SPEG: variants seen among roughly 807,000 people sequenced by gnomAD.
SPEG encodes the protein striated muscle preferentially expressed protein kinase.
In SPEG, 114 loss-of-function variants were observed where a neutral mutation model predicts 300.4. The observed-to-expected ratio is 0.38, with a 90% confidence interval of 0.33 to 0.44. SPEG has a LOEUF of 0.44. SPEG is among the 20% of genes least tolerant of loss of function. The pLI is 1.00. For missense variants in SPEG, 4,201 were observed against 4,586.2 expected (o/e 0.92, Z 2.43); for synonymous variants, 1,964 against 2,018.9 (o/e 0.97, Z 0.73).
chr2:219,471,983 C>T lies in SPEG; in HGVS notation c.3831C>T (p.Val1277=), dbSNP rs975059015. The T allele has an allele frequency of 1.9e-6, 3 of 1,612,142 alleles. No individual in the cohort carries two copies. The highest frequency in any genetic ancestry group is 2.7e-5 in the African/African-American group (2 of 75,042). The change falls in exon 14 of 41, where the codon GTC becomes GTT. Residue 1277 remains valine (V), a synonymous_variant. Transcript: ENST00000312358. ...CTGCCTGCTATGCCCACCTGTATGT[C>T]ACAGGTGAGGCAGGCACCCTCGTGG... ...GKAACYAHLY[V]TDVVPGPPDG... is the part of the protein sequence containing the mutation.
chr2:219,477,718 G>C lies in SPEG; in HGVS notation c.4759G>C (p.Gly1587Arg). 1 of 1,604,194 alleles carries C rather than the reference G, an allele frequency of 6.2e-7. No individual in the cohort carries two copies. Among genetic ancestry groups the C allele is most frequent in the Admixed American group, 1.7e-5 (1 of 59,442 alleles). The change falls in exon 21 of 41, where the codon GGG becomes CGG. Residue 1587 changes from glycine to arginine, a missense_variant. Transcript: ENST00000312358. This position sits in a 1 kb window ranked among gnomAD's most constrained non-coding sequence, Gnocchi z 6.4. ...GACAGCTATGGAGGTCGAGGGGGTC[G>C]GGGAGGATGAGGACCATCGAGGAAG... ...AQTAMEVEGV[G>R]EDEDHRGRRL...
In SPEG at chr2:219,472,973, C is replaced by T. The variant is rs1326547401; in HGVS notation, c.4024C>T (p.Pro1342Ser). The T allele has an allele frequency of 1.2e-6, 2 of 1,613,812 alleles. No homozygotes were observed. Among genetic ancestry groups the T allele is most frequent in the Non-Finnish European group, 1.7e-6 (2 of 1,180,016 alleles). The change falls in exon 16 of 41, where the codon CCA (proline) becomes TCA (serine). Residue 1342 changes from proline to serine, a missense_variant. Physicochemically the swap from Pro to Ser is moderately conservative, Grantham distance 74. Around this residue, in one of 4 missense-constraint regions of SPEG, gnomAD observed 1,047 missense variants for 1,356.8 expected, o/e 0.77. Transcript: ENST00000312358. ...WTALVTGLRE[P>S]GWAATGLRKG... ...GGCACTGGTCACAGGCCTGCGGGAGCCAGGGTGGGCAGCCACAGGGCTGCG... is the reference window on the plus strand; with the variant it reads ...GGCACTGGTCACAGGCCTGCGGGAGTCAGGGTGGGCAGCCACAGGGCTGCG...
Position 219,464,597 on chromosome 2 carries a change from T to C in SPEG, c.2870T>C (p.Leu957Ser). 6.2e-7 allele frequency: 1 copy of C among 1,614,084 alleles called. No individual in the cohort carries two copies. The highest frequency in any genetic ancestry group is 8.5e-7 in the Non-Finnish European group (1 of 1,179,912). ...EYGARQCEAR[L>S]EVRAHPESRS... ...GGTGCTCGGCAGTGCGAGGCCCGCT[T>C]GGAGGTCCGAGGTGAGTACCTGATT... Residue 957 changes from leucine to serine, a missense_variant, in exon 9 of 41, where the codon TTG (leucine) becomes TCG (serine). Physicochemically the swap from Leu to Ser is moderately radical, Grantham distance 145. This residue lies in a region of SPEG where 1,047 missense variants were observed against 1,356.8 expected (regional missense o/e 0.77). Coordinates refer to ENST00000312358, the MANE Select transcript of SPEG (RefSeq NM_005876.5). This position sits in a 1 kb window ranked among gnomAD's most constrained non-coding sequence, Gnocchi z 4.5.
chr2:219,484,794 C>A lies in SPEG; in HGVS notation c.7331C>A (p.Ser2444Ter). ...GGAGAGAGCTCGGAGGGCGGGAGCTCGGCGCGGGGCTCCCCGGTGCTGGCG... is the reference window on the plus strand; with the variant it reads ...GGAGAGAGCTCGGAGGGCGGGAGCTAGGCGCGGGGCTCCCCGGTGCTGGCG... Reference protein sequence around the residue: ...GDGESSEGGSSARGSPVLAMR... With the variant: ...GDGESSEGGS Residue 2444 changes from serine to a stop codon, truncating the protein, a stop_gained, in exon 30 of 41, where the codon TCG becomes TAG. Coordinates refer to ENST00000312358, the MANE Select transcript of SPEG (RefSeq NM_005876.5). LOFTEE classifies it high-confidence loss of function. 6.8e-7 allele frequency: 1 copy of A among 1,469,278 alleles called. No individual in the cohort carries two copies. Among genetic ancestry groups the A allele is most frequent in the South Asian group, 1.3e-5 (1 of 74,578 alleles). The allele number at this position is 1,469,278 out of a possible 1,614,324, so 91.0% of individuals were successfully genotyped here. A position where few individuals can be genotyped will look rare whatever the true frequency, so the allele number is the denominator to read the frequency against.
In SPEG at chr2:219,484,700, C is replaced by G; in HGVS notation, c.7237C>G (p.Leu2413Val). Residue 2413 changes from leucine (L) to valine (V), a missense_variant, in exon 30 of 41, where the codon CTG (leucine) becomes GTG (valine). Physicochemically the swap from Leu to Val is conservative, Grantham distance 32. Coordinates refer to ENST00000312358, the MANE Select transcript of SPEG (RefSeq NM_005876.5). ...PGLVRRLSLSLSQRLRRTPPA... is the reference protein window; with the variant it reads ...PGLVRRLSLSVSQRLRRTPPA... ...CCTCGTCCGCCGCCTCTCGCTGTCACTGTCCCAGCGGCTGCGGCGGACCCC... is the reference window on the plus strand; with the variant it reads ...CCTCGTCCGCCGCCTCTCGCTGTCAGTGTCCCAGCGGCTGCGGCGGACCCC... 1.3e-6 allele frequency: 2 copies of G among 1,515,614 alleles called. No homozygotes were observed. Among genetic ancestry groups the G allele is most frequent in the Non-Finnish European group, 1.8e-6 (2 of 1,140,586 alleles). The allele number at this position is 1,515,614 out of a possible 1,614,324, so 93.9% of individuals were successfully genotyped here.
At position 219,489,177 on chromosome 2, in the gene SPEG, C is replaced by T. The variant is rs745655345; in HGVS notation, c.8273C>T (p.Pro2758Leu). 6.2e-7 allele frequency: 1 copy of T among 1,613,968 alleles called. No individual in the cohort carries two copies. The highest frequency in any genetic ancestry group is 1.7e-5 in the Admixed American group (1 of 60,014). The change falls in exon 35 of 41, where the codon CCC becomes CTC. Residue 2758 changes from proline to leucine, a missense_variant. Coordinates refer to ENST00000312358, the MANE Select transcript of SPEG (RefSeq NM_005876.5). ...VACANRAGQG[P>L]FSNSSEKVFV... ...TGTGCCAACCGTGCTGGGCAGGGGC[C>T]CTTCAGCAACTCTTCTGAGAAGGTC...
chr2:219,435,403 G>A, intron 1 of SPEG, 38 bp downstream of exon 1: 4 of 1,504,986 alleles, frequency 2.7e-6, no homozygotes. Flanking sequence ...GCAGGGGCGG[G>A]GTGCTCAGAG....
At chr2:219,461,622 GC>G in intron 6 of SPEG, 1 of 982,778 alleles carries the variant, frequency 1.0e-6, no homozygotes, top group Non-Finnish European at 1.4e-6. Context: ...CGAACCCTTT[GC>G]CCCAGGCCTT....
Position 219,469,082 on chromosome 2 carries a change from C to T in SPEG, c.3491+34C>T, listed in dbSNP as rs1242399256. 3 of 1,608,020 alleles carry T rather than the reference C, an allele frequency of 1.9e-6. No homozygotes were observed. The East Asian group carries it at 6.7e-5, about 36-fold the overall frequency. ...GGGGCCCCAAATGATGCTGGGGCTG[C>T]CTGTGAGGGGCCAGCCCAGCCCTGG... On this transcript the variant is annotated intron_variant, in intron 12 of 40. Coordinates refer to ENST00000312358, the MANE Select transcript of SPEG (RefSeq NM_005876.5).
rs148187949 is a variant in SPEG, at chr2:219,465,219, C to T, written c.2881+611C>T. 3.1e-3 allele frequency: 470 copies of T among 152,736 alleles called. 8 individuals are homozygous for T. Among genetic ancestry groups the T allele is most frequent in the African/African-American group, 0.011 (437 of 41,576 alleles). 9.5% of individuals were successfully genotyped at this position (152,736 alleles called of 1,614,324 possible). ...CCTCTCAGGCAGCAGAAATGCCAGGCCCTGGCTAGGGGGCCCTCGAGGGCC... is the reference window on the plus strand; with the variant it reads ...CCTCTCAGGCAGCAGAAATGCCAGGTCCTGGCTAGGGGGCCCTCGAGGGCC... On this transcript the variant is annotated intron_variant, in intron 9 of 40. Coordinates refer to ENST00000312358, the MANE Select transcript of SPEG (RefSeq NM_005876.5).
chr2:219,488,735 C>T (rs778804666), intron 33 of SPEG, 43 bp from the exon 34 acceptor site: 1 of 1,611,616 alleles, frequency 6.2e-7, no homozygotes, highest in South Asian at 1.1e-5. Flanking sequence ...GGGTTCTTAG[C>T]TAGGGTATAG....
Position 219,448,832 on chromosome 2 carries a change from G to A in SPEG, c.1674G>A (p.Pro558=), listed in dbSNP as rs1180719942. The A allele has an allele frequency of 2.1e-6, 3 of 1,400,658 alleles. No individual in the cohort carries two copies. The highest frequency in any genetic ancestry group is 3.1e-5 in the South Asian group (2 of 63,870). The allele number at this position is 1,400,658 out of a possible 1,614,324, so 86.8% of individuals were successfully genotyped here. A position where few individuals can be genotyped will look rare whatever the true frequency, so the allele number is the denominator to read the frequency against. ...CCGCCGCCGCCCAGCCGCCCTCTCC[G>A]AGCAGCGCGGAGAAGCCGGGGGACG... ...VSPAAAQPPS[P]SSAEKPGDEP... is the part of the protein sequence containing the mutation. Residue 558 remains proline (P), a synonymous_variant, in exon 4 of 41, where the codon CCG becomes CCA. Transcript: ENST00000312358.
rs145008800 is a variant in SPEG at position 219,472,118 on chromosome 2, T to A, written c.3836-109T>A. On this transcript the variant is annotated intron_variant, in intron 14 of 40. Coordinates refer to ENST00000312358, the MANE Select transcript of SPEG (RefSeq NM_005876.5). ...CCTGGGGACCCTCTTGCCTTGCCCC[T>A]GCCCCTGCGGCTGAGCCCCCAGGCC... is the stretch of plus-strand genomic sequence containing the variant. 574 of 1,518,154 alleles carry A rather than the reference T, an allele frequency of 3.8e-4. 2 individuals are homozygous for A. In the East Asian group the frequency reaches 0.012, roughly 32 times the overall value. 94.0% of individuals were successfully genotyped at this position (1,518,154 alleles called of 1,614,324 possible). A position where few individuals can be genotyped will look rare whatever the true frequency, so the allele number is the denominator to read the frequency against.
Position 219,477,392 on chromosome 2 carries a change from C to T in SPEG, c.4676C>T (p.Ala1559Val), listed in dbSNP as rs1246229269. 2 of 1,609,058 alleles carry T rather than the reference C, an allele frequency of 1.2e-6. No individual in the cohort carries two copies. The highest frequency in any genetic ancestry group is 1.7e-6 in the Non-Finnish European group (2 of 1,177,956). The change falls in exon 20 of 41, where the codon GCC (alanine) becomes GTC (valine). Residue 1559 changes from alanine (A) to valine (V), a missense_variant. Physicochemically the swap from Ala to Val is moderately conservative, Grantham distance 64. This residue lies in a region of SPEG where 1,047 missense variants were observed against 1,356.8 expected (regional missense o/e 0.77). Coordinates refer to ENST00000312358, the MANE Select transcript of SPEG (RefSeq NM_005876.5). The surrounding 1 kb of genome is among the most constrained non-coding windows in gnomAD (Gnocchi z 6.4). ...AQDGGVYTCT[A>V]QNLAGEVSCK... ...GATGGAGGCGTCTACACCTGCACCG[C>T]CCAGAACCTGGCGGGTGAGGTCTCC...
intron 36 of SPEG, 151 bp downstream of exon 36, chr2:219,490,090 A>G: frequency 1.0e-6 from 1 of 966,224 alleles, no homozygotes; most frequent in South Asian, 1.8e-5. Context: ...CAAATGTGCC[A>G]GACACTGCAC....
Position 219,464,591 on chromosome 2 carries a change from C to G in SPEG, c.2864C>G (p.Ala955Gly), listed in dbSNP as rs1399343856. ...GAGTATGGTGCTCGGCAGTGCGAGG[C>G]CCGCTTGGAGGTCCGAGGTGAGTAC... ...VNEYGARQCE[A>G]RLEVRAHPES... is the part of the protein sequence containing the mutation. Residue 955 changes from alanine (A) to glycine (G), a missense_variant, in exon 9 of 41, where the codon GCC becomes GGC. Ala to Gly is a moderately conservative substitution (Grantham distance 60). Around this residue, in one of 4 missense-constraint regions of SPEG, gnomAD observed 1,047 missense variants for 1,356.8 expected, o/e 0.77. Transcript: ENST00000312358. The surrounding 1 kb of genome is among the most constrained non-coding windows in gnomAD (Gnocchi z 4.5). 1 of 1,614,072 alleles carries G rather than the reference C, an allele frequency of 6.2e-7. No individual in the cohort carries two copies. Among genetic ancestry groups the G allele is most frequent in the Admixed American group, 1.7e-5 (1 of 60,012 alleles).
At chr2:219,492,388 C>T in intron 40 of SPEG, 128 bp downstream of exon 40, 6 of 1,197,950 alleles carry the variant, frequency 5.0e-6, no homozygotes, top group South Asian at 4.4e-5. Context: ...GGTCATACTA[C>T]CCACCATTTA....
Position 219,464,488 on chromosome 2 carries a change from G to C in SPEG, c.2761G>C (p.Glu921Gln), listed in dbSNP as rs1192792975. 6.2e-7 allele frequency: 1 copy of C among 1,613,858 alleles called. No homozygotes were observed. The highest frequency in any genetic ancestry group is 8.5e-7 in the Non-Finnish European group (1 of 1,180,032). The change falls in exon 9 of 41, where the codon GAG (glutamate) becomes CAG (glutamine). Residue 921 changes from glutamate (E) to glutamine (Q), a missense_variant. By Grantham distance (29) the Glu-to-Gln change is conservative (BLOSUM62 2). This residue lies in a region of SPEG where 1,047 missense variants were observed against 1,356.8 expected (regional missense o/e 0.77). Coordinates refer to ENST00000312358, the MANE Select transcript of SPEG (RefSeq NM_005876.5). This position sits in a 1 kb window ranked among gnomAD's most constrained non-coding sequence, Gnocchi z 4.5. ...PDQRRFAEEA[E>Q]GGLCRLRILA... ...CCAGCGGCGCTTTGCGGAGGAGGCTGAGGGTGGGCTGTGCCGGCTGCGGAT... is the reference window on the plus strand; with the variant it reads ...CCAGCGGCGCTTTGCGGAGGAGGCTCAGGGTGGGCTGTGCCGGCTGCGGAT...
Position 219,443,932 on chromosome 2 carries a change from C to T in SPEG, c.389-721C>T, listed in dbSNP as rs912586888. On this transcript the variant is annotated intron_variant, in intron 1 of 40. Coordinates refer to ENST00000312358, the MANE Select transcript of SPEG (RefSeq NM_005876.5). This position sits in a 1 kb window ranked among gnomAD's most constrained non-coding sequence, Gnocchi z 4.6. Reference sequence around the variant, plus strand: ...ACACCTCTGGGGACTGGGTGCCTCACGCCCCTTCTGTCTTGACTGCCCTCC... The same window carrying T: ...ACACCTCTGGGGACTGGGTGCCTCATGCCCCTTCTGTCTTGACTGCCCTCC... The T allele has an allele frequency of 6.7e-5, 70 of 1,043,758 alleles. No homozygotes were observed. In the Middle Eastern group the frequency reaches 7.0e-4, roughly 10 times the overall value. 64.7% of individuals were successfully genotyped at this position (1,043,758 alleles called of 1,614,324 possible). A position where few individuals can be genotyped will look rare whatever the true frequency, so the allele number is the denominator to read the frequency against.
Sources: allele counts gnomAD v4.1 joint callset, GRCh38; gene constraint gnomAD v4.1.1; regional missense constraint gnomAD v4.1.1; non-coding constraint Gnocchi (gnomAD v3.1); transcripts MANE v1.5; gene names NCBI Gene and HGNC (gene_info 2026-07-23, HGNC 2026-07-21).